The following ADAMTSL3 variants were observed in gnomAD, a reference collection of about 807,000 sequenced individuals.
The protein encoded by ADAMTSL3 is ADAMTS-like protein 3.
A neutral mutation model predicts 201.7 loss-of-function variants in ADAMTSL3; 128 were observed. The ratio of observed to expected loss-of-function variants is 0.63; its 90% CI spans 0.55 to 0.73. ADAMTSL3 has a LOEUF of 0.73. Among genes scored for constraint, ADAMTSL3 ranks in the 30% least tolerant of loss-of-function variants. The pLI is 0.00. For missense variants in ADAMTSL3, 1,990 were observed against 2,119.6 expected (o/e 0.94, Z 1.20); for synonymous variants, 738 against 748.4 (o/e 0.99, Z 0.23).
chr15:83,677,911 G>A (rs188907123), intron 2 of ADAMTSL3, among the ~76,000 whole-genome samples: 18 of 150,638 alleles, frequency 1.2e-4, no homozygotes. Flanking sequence ...AAGATTGGAT[G>A]TTGATTTTTC....
chr15:83,952,327 GTCATT>G (rs2066772705), intron 19 of ADAMTSL3, among the ~76,000 whole-genome samples: 1 of 152,148 alleles, frequency 6.6e-6, no homozygotes, highest in Non-Finnish European at 1.5e-5. Flanking sequence ...GGTGCTTGAT[GTCATT>G]TCAGTTTTTT....
intron 19 of ADAMTSL3, among the ~76,000 whole-genome samples, chr15:83,970,115 A>C (rs372947213): frequency 6.6e-4 from 100 of 152,348 alleles, no homozygotes; most frequent in African/African-American, 2.3e-3. Context: ...ATGAAAATAA[A>C]AAATGAATGG....
At chr15:83,947,571 T>C (rs1596454366) in intron 19 of ADAMTSL3, among the ~76,000 whole-genome samples, 2 of 152,364 alleles carry the variant, frequency 1.3e-5, no homozygotes, top group Admixed American at 1.3e-4. Context: ...GTCCCACCTC[T>C]TGGCTGAAAT....
chr15:84,037,445 C>T lies in ADAMTSL3; in HGVS notation c.4970-255C>T, dbSNP rs950168. On this transcript the variant is annotated intron_variant, in intron 29 of 29. Transcript: ENST00000286744. ...ATGACCCTGCAAAAGTTAAGCATTGCTGCTCTGAGAACTCAAAGGAGCAGC... is the reference window on the plus strand; with the variant it reads ...ATGACCCTGCAAAAGTTAAGCATTGTTGCTCTGAGAACTCAAAGGAGCAGC... Among the ~76,000 whole-genome samples, 42,180 of 152,008 alleles carry T rather than the reference C, an allele frequency of 0.28. 8,827 individuals carry two copies. Among genetic ancestry groups the T allele is most frequent in the East Asian group, 0.57 (2,933 of 5,164 alleles).
intron 8 of ADAMTSL3, among the ~76,000 whole-genome samples, chr15:83,867,595 C>T (rs1484293840): frequency 6.6e-6 from 1 of 152,176 alleles, no homozygotes; most frequent in African/African-American, 2.4e-5. Context: ...AGCATGGATG[C>T]AGTACCTGAT....
intron 20 of ADAMTSL3, among the ~76,000 whole-genome samples, chr15:83,980,768 C>T (rs1459898649): frequency 6.6e-6 from 1 of 152,180 alleles, no homozygotes; most frequent in Non-Finnish European, 1.5e-5. Context: ...TATGGGTTCA[C>T]CTCCATTGTT....
intron 4 of ADAMTSL3, among the ~76,000 whole-genome samples, chr15:83,803,982 A>G (rs1395286299): frequency 6.6e-6 from 1 of 152,094 alleles, no homozygotes; most frequent in Non-Finnish European, 1.5e-5. Context: ...GTCTCTAATA[A>G]AAATACAAAA....
At chr15:83,694,415 C>T (rs1222441249) in intron 2 of ADAMTSL3, 1 of 151,272 alleles carries the variant, frequency 6.6e-6, no homozygotes, top group Non-Finnish European at 1.5e-5. Context: ...ACAAACACCT[C>T]GTTTTTTTCT....
rs1453069512 is a variant in ADAMTSL3, at chr15:83,807,840, C to G, written c.363+3145C>G. Among the ~76,000 whole-genome samples, 7 of 152,272 alleles carry G rather than the reference C, an allele frequency of 4.6e-5. No homozygotes were observed. The East Asian group carries it at 1.4e-3, about 29-fold the overall frequency. On this transcript the variant is annotated intron_variant, in intron 5 of 29. Coordinates refer to ENST00000286744, the MANE Select transcript of ADAMTSL3 (RefSeq NM_207517.3). ...AGAGTCCAGAAATAAGTCCACATAC[C>G]TACAGCCAACTGATTTTCACAAGGG...
chr15:83,678,699 A>C (rs2061437741), intron 2 of ADAMTSL3, among the ~76,000 whole-genome samples: 1 of 145,708 alleles, frequency 6.9e-6, no homozygotes, highest in African/African-American at 2.5e-5. Context: ...TTTAGCCATT[A>C]TTTCTTCAAG....
intron 15 of ADAMTSL3, among the ~76,000 whole-genome samples, chr15:83,903,917 CAAAAAAAAA>C (rs1168502648): frequency 1.6e-4 from 3 of 19,274 alleles, no homozygotes; most frequent in South Asian, 2.8e-3. Context: ...GACTCCACAT[CAAAAAAAAA>C]AAAAAAAAAA....
At chr15:83,730,608 C>A (rs1419264750) in intron 3 of ADAMTSL3, among the ~76,000 whole-genome samples, 2 of 137,984 alleles carry the variant, frequency 1.4e-5, no homozygotes, top group Admixed American at 1.4e-4. Flanking sequence ...TGGTTAGGAG[C>A]ATTTAGAATC....
At chr15:83,812,649 AT>A (rs1019118020) in intron 5 of ADAMTSL3, among the ~76,000 whole-genome samples, 1 of 152,200 alleles carries the variant, frequency 6.6e-6, no homozygotes, top group African/African-American at 2.4e-5. Flanking sequence ...ACTGGATCAT[AT>A]TCCAGAGATT....
intron 2 of ADAMTSL3, among the ~76,000 whole-genome samples, chr15:83,684,801 T>C (rs1216039153): frequency 6.6e-6 from 1 of 152,232 alleles, no homozygotes. Flanking sequence ...CAATTTTGTT[T>C]TTTACAAACA....
rs367740718 is a variant in ADAMTSL3, at chr15:83,913,165, C to T, written c.1774C>T (p.Arg592Cys). The change falls in exon 16 of 30, where the codon CGT becomes TGT. Residue 592 changes from arginine to cysteine, a missense_variant. Arg to Cys is a radical substitution (Grantham distance 180). Coordinates refer to ENST00000286744, the MANE Select transcript of ADAMTSL3 (RefSeq NM_207517.3). ...PGVQVREVKCRVLLTFTQTET... is the reference protein window; with the variant it reads ...PGVQVREVKCCVLLTFTQTET... ...TGTGCAGGTCCGTGAGGTGAAGTGC[C>T]GTGTGCTCCTCACATTCACGCAGAC... 31 of 1,614,000 alleles carry T rather than the reference C, an allele frequency of 1.9e-5. No homozygotes were observed. In the Middle Eastern group the frequency reaches 4.9e-4, roughly 26 times the overall value.
chr15:84,004,195 A>C (rs1293120855), intron 23 of ADAMTSL3, among the ~76,000 whole-genome samples: 2 of 152,150 alleles, frequency 1.3e-5, no homozygotes, highest in Non-Finnish European at 2.9e-5. Flanking sequence ...TGACTGACAC[A>C]TACTACAGTC....
chr15:83,701,477 T>C lies in ADAMTSL3; in HGVS notation c.70-2912T>C, dbSNP rs143761467. On this transcript the variant is annotated intron_variant, in intron 2 of 29. Transcript: ENST00000286744. ...CCAGTGATTCAGATGCCAGGTAATA[T>C]GGTTTGATTCTGTGTCCCCACCCAA... Among the ~76,000 whole-genome samples the C allele has an allele frequency of 3.0e-3, 450 of 152,296 alleles. 1 individual carries two copies. Among genetic ancestry groups the C allele is most frequent in the African/African-American group, 0.011 (438 of 41,566 alleles).
At chr15:83,833,988 C>A (rs2064211217) in intron 6 of ADAMTSL3, among the ~76,000 whole-genome samples, 1 of 152,158 alleles carries the variant, frequency 6.6e-6, no homozygotes, top group Non-Finnish European at 1.5e-5. Flanking sequence ...CGTGCTTTAT[C>A]CATTAATGGT....
At chr15:83,929,719 CAG>C in intron 17 of ADAMTSL3, among the ~76,000 whole-genome samples, 1 of 150,004 alleles carries the variant, frequency 6.7e-6, no homozygotes, top group East Asian at 2.0e-4. Flanking sequence ...CAGAGAGAGA[CAG>C]AGAGACAGAG....
Sources: gnomAD v4.1 joint callset for allele counts (sites outside exome capture counted in the v4.1 genomes callset) on GRCh38, gnomAD v4.1.1 for gene constraint, MANE v1.5 for transcripts, NCBI Gene and HGNC (gene_info 2026-07-23, HGNC 2026-07-21) for gene names.